Variants in TRIM47 observed in about 807,000 individuals in gnomAD.
TRIM47 encodes the protein tripartite motif containing 47.
In TRIM47, 46 loss-of-function variants were observed where a neutral mutation model predicts 54.4. That is an observed-to-expected ratio of 0.84 (90% CI 0.67 to 1.08). TRIM47 has a LOEUF of 1.08. Among genes scored for constraint, TRIM47 ranks in the 50% least tolerant of loss-of-function variants. TRIM47 has a pLI of 0.00. For missense variants in TRIM47, 825 were observed against 910.1 expected, an observed-to-expected ratio of 0.91 and a Z score of 1.20; for synonymous variants, 392 against 410.2, an observed-to-expected ratio of 0.96 and a Z score of 0.54.
rs762270260 is a variant in TRIM47 at position 75,878,398 on chromosome 17, C to T, written c.151G>A (p.Ala51Thr). ...GASGAGGPGGAARCPLCQEPF... is the reference protein window; with the variant it reads ...GASGAGGPGGTARCPLCQEPF... ...TCCTGGCACAGCGGGCAGCGGGCCG[C>T]GCCTCCGGGTCCGCCGGCTCCACTC... The change falls in exon 1 of 6, where the codon GCG becomes ACG. Residue 51 changes from alanine to threonine, a missense_variant. Transcript: ENST00000254816. The T allele has an allele frequency of 5.0e-5, 71 of 1,422,462 alleles. No homozygotes were observed. Among genetic ancestry groups the T allele is most frequent in the Admixed American group, 7.7e-5 (3 of 39,100 alleles). 88.1% of individuals were successfully genotyped at this position (1,422,462 alleles called of 1,614,324 possible).
At position 75,878,454 on chromosome 17, in the gene TRIM47, C is replaced by T; in HGVS notation, c.95G>A (p.Cys32Tyr). Residue 32 changes from cysteine (C) to tyrosine (Y), a missense_variant, in exon 1 of 6, where the codon TGC (cysteine) becomes TAC (tyrosine). Cys to Tyr is a radical substitution (Grantham distance 194). Transcript: ENST00000254816. The part of the protein sequence containing the change: ...LPCGHNFCLA[C>Y]LGALWPHRGA... ...ACGATGCGGCCAGAGCGCGCCCAGG[C>T]AGGCGAGACAGAAGTTGTGGCCGCA... 7.0e-7 allele frequency: 1 copy of T among 1,428,120 alleles called. No individual in the cohort carries two copies. 88.5% of individuals were successfully genotyped at this position (1,428,120 alleles called of 1,614,324 possible). A position where few individuals can be genotyped will look rare whatever the true frequency, so the allele number is the denominator to read the frequency against.
At chr17:75,877,460 G>A in intron 1 of TRIM47, 2 of 197,044 alleles carry the variant, frequency 1.0e-5, no homozygotes, top group Admixed American at 6.1e-5. Flanking sequence ...GTCGCCCTCT[G>A]CCGCCCTCCT....
intron 2 of TRIM47, 60 bp downstream of exon 2, chr17:75,876,658 T>C (rs1599437278): frequency 3.1e-6 from 5 of 1,591,566 alleles, no homozygotes; most frequent in Non-Finnish European, 4.3e-6. Context: ...TTGTGCTCAG[T>C]AGGTATGGGC....
In TRIM47 at chr17:75,875,817, C is replaced by A. The variant is rs756199638; in HGVS notation, c.1201+84G>T. Reference sequence around the variant, plus strand: ...TGCCAGGCACAATTTTCCTCCTCCACTTCTGGATGGGCGCCAGGCCTGGGG... The same window carrying A: ...TGCCAGGCACAATTTTCCTCCTCCAATTCTGGATGGGCGCCAGGCCTGGGG... On this transcript the variant is annotated intron_variant, in intron 4 of 5. Transcript: ENST00000254816. This position sits in a 1 kb window ranked among gnomAD's most constrained non-coding sequence, Gnocchi z 6.1. 8.8e-6 allele frequency: 13 copies of A among 1,482,714 alleles called. No individual in the cohort carries two copies. The highest frequency in any genetic ancestry group is 1.1e-5 in the Non-Finnish European group (12 of 1,101,784). The allele number at this position is 1,482,714 out of a possible 1,614,324, so 91.8% of individuals were successfully genotyped here.
Position 75,875,941 on chromosome 17 carries a change from C to G in TRIM47, c.1161G>C (p.Pro387=). ...TCTGTGGCCCATCCTCGTTGCCACC[C>G]GGCCCCCTCAGCTGCTCCCACTGGT... ...CVNQWEQLRG[P]GGNEDGPQKL... Residue 387 remains proline (P), a synonymous_variant, in exon 4 of 6, where the codon CCG becomes CCC. Transcript: ENST00000254816. This position sits in a 1 kb window ranked among gnomAD's most constrained non-coding sequence, Gnocchi z 6.1. 1 of 1,611,638 alleles carries G rather than the reference C, an allele frequency of 6.2e-7. No homozygotes were observed. Among genetic ancestry groups the G allele is most frequent in the Non-Finnish European group, 8.5e-7 (1 of 1,179,932 alleles).
Position 75,877,886 on chromosome 17 carries a change from G to C in TRIM47, c.663C>G (p.Arg221=). 1 of 1,369,972 alleles carries C rather than the reference G, an allele frequency of 7.3e-7. No homozygotes were observed. Among genetic ancestry groups the C allele is most frequent in the Non-Finnish European group, 9.4e-7 (1 of 1,063,218 alleles). The allele number at this position is 1,369,972 out of a possible 1,614,324, so 84.9% of individuals were successfully genotyped here. Reference sequence around the variant, plus strand: ...CCCCGGAGCCCACCTCCTGAAGCGCGCGCTCCTGCTCCAGCGGCACCAGCT... The same window carrying C: ...CCCCGGAGCCCACCTCCTGAAGCGCCCGCTCCTGCTCCAGCGGCACCAGCT... The part of the protein sequence containing the change: ...GHELVPLEQE[R]ALQEAEQSKV... Residue 221 remains arginine (R), a synonymous_variant, in exon 1 of 6, where the codon CGC becomes CGG. Coordinates refer to ENST00000254816, the MANE Select transcript of TRIM47 (RefSeq NM_033452.3).
rs1239380787 is a variant in TRIM47, at chr17:75,875,205, C to A, written c.1277-82G>T. ...GCCCCTCCCCAAGTACCCACCCCCC[C>A]AAAACACAGCCTCTCCCCTGCTTTC... On this transcript the variant is annotated intron_variant, in intron 5 of 5. Transcript: ENST00000254816. This position sits in a 1 kb window ranked among gnomAD's most constrained non-coding sequence, Gnocchi z 6.1. 1.3e-5 allele frequency: 20 copies of A among 1,500,180 alleles called. No individual in the cohort carries two copies. Among genetic ancestry groups the A allele is most frequent in the Non-Finnish European group, 1.4e-5 (16 of 1,119,968 alleles). 92.9% of individuals were successfully genotyped at this position (1,500,180 alleles called of 1,614,324 possible).
rs2065132215 is a variant in TRIM47, at chr17:75,876,119, A to G, written c.1003-20T>C. 1.3e-6 allele frequency: 2 copies of G among 1,596,814 alleles called. No homozygotes were observed. The highest frequency in any genetic ancestry group is 1.7e-5 in the Admixed American group (1 of 59,936). On this transcript the variant is annotated intron_variant, in intron 3 of 5. Coordinates refer to ENST00000254816, the MANE Select transcript of TRIM47 (RefSeq NM_033452.3). ...CAGCTCCTGTGCCAGACAAATGCCC[A>G]TTAAAGTGCTGCTGGCCATGGCTCC...
rs577986515 is a variant in TRIM47, at chr17:75,876,341, T to C, written c.923A>G (p.Glu308Gly). The C allele has an allele frequency of 1.2e-6, 2 of 1,611,760 alleles. No homozygotes were observed. Among genetic ancestry groups the C allele is most frequent in the South Asian group, 2.2e-5 (2 of 91,074 alleles). ...GRSQGDLRRQ[E>G]EQRSRLSRAR... ...TCGGCTCAGGCGGCTGCGCTGTTCC[T>C]CCTGTCGCCGCAGGTCACCCTGGGA... Residue 308 changes from glutamate to glycine, a missense_variant, in exon 3 of 6, where the codon GAG becomes GGG. Physicochemically the swap from Glu to Gly is moderately conservative, Grantham distance 98. Coordinates refer to ENST00000254816, the MANE Select transcript of TRIM47 (RefSeq NM_033452.3).
chr17:75,876,132 T>C (rs749142971), intron 3 of TRIM47, 33 bp from the exon 4 acceptor site: 3 of 1,592,012 alleles, frequency 1.9e-6, no homozygotes, highest in Non-Finnish European at 2.6e-6. Context: ...AAAGTGCTGC[T>C]GGCCATGGCT....
rs2143981300 is a variant in TRIM47, at chr17:75,878,301, G to T, written c.248C>A (p.Ser83Ter). Residue 83 changes from serine (S) to a stop codon, truncating the protein, a stop_gained, in exon 1 of 6, where the codon TCG becomes TAG. Coordinates refer to ENST00000254816, the MANE Select transcript of TRIM47 (RefSeq NM_033452.3). LOFTEE classifies it high-confidence loss of function. ...LSELLQLRQG[S>*]GPGSGPGPAP... is the part of the protein sequence containing the mutation. ...CGGGCCGGGGCCGGACCCGGGGCCC[G>T]AGCCCTGGCGGAGCTGCAGCAGCTC... 7.8e-7 allele frequency: 1 copy of T among 1,274,286 alleles called. No individual in the cohort carries two copies. Among genetic ancestry groups the T allele is most frequent in the South Asian group, 2.5e-5 (1 of 40,044 alleles). The allele number at this position is 1,274,286 out of a possible 1,614,324, so 78.9% of individuals were successfully genotyped here. A position where few individuals can be genotyped will look rare whatever the true frequency, so the allele number is the denominator to read the frequency against.
In TRIM47 at chr17:75,874,743, C is replaced by A; in HGVS notation, c.1657G>T (p.Glu553Ter). 6.2e-7 allele frequency: 1 copy of A among 1,614,060 alleles called. No homozygotes were observed. The highest frequency in any genetic ancestry group is 8.5e-7 in the Non-Finnish European group (1 of 1,180,022). The stretch of plus-strand genomic sequence containing the variant: ...AAGGCCAAGGCACGGTCAGCGTATT[C>A]CAGGCAGACCCCAACCGTGGGCGAG... Reference protein sequence around the residue: ...PFSPTVGVCLEYADRALAFYA... With the variant: ...PFSPTVGVCL The change falls in exon 6 of 6, where the codon GAA (glutamate) becomes TAA (stop). Residue 553 changes from glutamate (E) to a stop codon, truncating the protein, a stop_gained. Transcript: ENST00000254816. LOFTEE classifies it high-confidence loss of function. This position sits in a 1 kb window ranked among gnomAD's most constrained non-coding sequence, Gnocchi z 6.2.
Position 75,875,303 on chromosome 17 carries a change from G to A in TRIM47, c.1276+97C>T, listed in dbSNP as rs1175670792. ...TAGCTCTCCCCACAAACTGGGGAGA[G>A]GAATCCTAACCCTTGTGTGCCAGGG... On this transcript the variant is annotated intron_variant, in intron 5 of 5. Coordinates refer to ENST00000254816, the MANE Select transcript of TRIM47 (RefSeq NM_033452.3). This position sits in a 1 kb window ranked among gnomAD's most constrained non-coding sequence, Gnocchi z 6.1. 1.4e-6 allele frequency: 2 copies of A among 1,474,766 alleles called. No homozygotes were observed. Among genetic ancestry groups the A allele is most frequent in the African/African-American group, 1.4e-5 (1 of 71,322 alleles). The allele number at this position is 1,474,766 out of a possible 1,614,324, so 91.4% of individuals were successfully genotyped here.
chr17:75,875,866 G>A lies in TRIM47; in HGVS notation c.1201+35C>T, dbSNP rs764638010. On this transcript the variant is annotated intron_variant, in intron 4 of 5. Transcript: ENST00000254816. The surrounding 1 kb of genome is among the most constrained non-coding windows in gnomAD (Gnocchi z 6.1). ...GGGCCTGTGCGAGAGGCTGGCAGAG[G>A]GTGAGTCATCGGGGGGGCGTGGGGC... 1 of 1,599,280 alleles carries A rather than the reference G, an allele frequency of 6.3e-7. No individual in the cohort carries two copies. Among genetic ancestry groups the A allele is most frequent in the Non-Finnish European group, 8.5e-7 (1 of 1,173,942 alleles).
chr17:75,874,352 G>T lies in TRIM47; in HGVS notation c.*131C>A. 1.2e-6 allele frequency: 1 copy of T among 851,648 alleles called. No homozygotes were observed. 52.8% of individuals were successfully genotyped at this position (851,648 alleles called of 1,614,324 possible). A position where few individuals can be genotyped will look rare whatever the true frequency, so the allele number is the denominator to read the frequency against. On this transcript the variant is annotated 3_prime_UTR_variant, in exon 6 of 6. Transcript: ENST00000254816. This position sits in a 1 kb window ranked among gnomAD's most constrained non-coding sequence, Gnocchi z 6.2. ...AGAGGGAAGGCTGAGTGTATAAAAA[G>T]GTGGAAGCCTCTAGAAATGAGAAGG...
intron 2 of TRIM47, 38 bp downstream of exon 2, chr17:75,876,679 TG>T (rs778873623): frequency 3.1e-6 from 5 of 1,609,208 alleles, no homozygotes; most frequent in Non-Finnish European, 4.3e-6. Context: ...ATGGTTTGTT[TG>T]GAGTGGATTG....
chr17:75,878,501 G>A lies in TRIM47; in HGVS notation c.48C>T (p.Leu16=). 7.2e-7 allele frequency: 1 copy of A among 1,379,470 alleles called. No homozygotes were observed. Among genetic ancestry groups the A allele is most frequent in the East Asian group, 3.0e-5 (1 of 33,030 alleles). The allele number at this position is 1,379,470 out of a possible 1,614,324, so 85.5% of individuals were successfully genotyped here. A position where few individuals can be genotyped will look rare whatever the true frequency, so the allele number is the denominator to read the frequency against. ...CGCAGGGCAGCGTCACCGGCTCCCG[G>A]AGTGGCTCTAGGCAGATGGGGCAGC... The part of the protein sequence containing the change: ...PFSCPICLEP[L]REPVTLPCGH... Residue 16 remains leucine (L), a synonymous_variant, in exon 1 of 6, where the codon CTC becomes CTT. Coordinates refer to ENST00000254816, the MANE Select transcript of TRIM47 (RefSeq NM_033452.3).
Position 75,875,571 on chromosome 17 carries a change from A to G in TRIM47, c.1202-97T>C. 8.8e-7 allele frequency: 1 copy of G among 1,139,898 alleles called. No homozygotes were observed. The highest frequency in any genetic ancestry group is 1.3e-6 in the Non-Finnish European group (1 of 765,012). The allele number at this position is 1,139,898 out of a possible 1,614,324, so 70.6% of individuals were successfully genotyped here. A position where few individuals can be genotyped will look rare whatever the true frequency, so the allele number is the denominator to read the frequency against. On this transcript the variant is annotated intron_variant, in intron 4 of 5. Coordinates refer to ENST00000254816, the MANE Select transcript of TRIM47 (RefSeq NM_033452.3). The surrounding 1 kb of genome is among the most constrained non-coding windows in gnomAD (Gnocchi z 6.1). ...CCCCCTTCACTTCCTCCCAGAGTCC[A>G]GAGCCACCAGGGAGCAAGCACCACC...
In TRIM47 at chr17:75,875,568, T is replaced by G. The variant is rs2065128405; in HGVS notation, c.1202-94A>C. 8.5e-7 allele frequency: 1 copy of G among 1,171,354 alleles called. No homozygotes were observed. Among genetic ancestry groups the G allele is most frequent in the Non-Finnish European group, 1.3e-6 (1 of 792,728 alleles). 72.6% of individuals were successfully genotyped at this position (1,171,354 alleles called of 1,614,324 possible). ...CTACCCCCTTCACTTCCTCCCAGAG[T>G]CCAGAGCCACCAGGGAGCAAGCACC... is the stretch of plus-strand genomic sequence containing the variant. On this transcript the variant is annotated intron_variant, in intron 4 of 5. Coordinates refer to ENST00000254816, the MANE Select transcript of TRIM47 (RefSeq NM_033452.3). The surrounding 1 kb of genome is among the most constrained non-coding windows in gnomAD (Gnocchi z 6.1).
Sources: gnomAD v4.1 joint callset for allele counts on GRCh38, gnomAD v4.1.1 for gene constraint, Gnocchi (gnomAD v3.1) non-coding constraint, MANE v1.5 for transcripts, NCBI Gene and HGNC (gene_info 2026-07-23, HGNC 2026-07-21) for gene names.